CTRC: variants seen among roughly 807,000 people sequenced by gnomAD.
CTRC encodes the protein chymotrypsin C.
In CTRC, 32 loss-of-function variants were observed where a neutral mutation model predicts 35.7. The observed-to-expected ratio is 0.90, with a 90% CI of 0.68 to 1.20. The LOEUF (loss-of-function observed/expected upper bound fraction) is 1.20, where lower values mean the gene tolerates loss of function less well. Ranked by LOEUF, CTRC falls within the 50% of genes most tolerant of loss-of-function variation. The pLI is 0.00. For synonymous variants in CTRC, 119 were observed against 149.5 expected (o/e 0.80, Z 1.49); for missense variants, 324 against 361.5 (o/e 0.90, Z 0.84).
At chr1:15,443,959 T>G (rs1357575555) in intron 5 of CTRC, among the ~76,000 whole-genome samples, 2 of 151,956 alleles carry the variant, frequency 1.3e-5, no homozygotes, top group African/African-American at 4.8e-5. Context: ...ATTTAGAAAA[T>G]CCTGGGGGAG....
At chr1:15,443,948 T>G (rs747674427) in intron 5 of CTRC, among the ~76,000 whole-genome samples, 10 of 152,126 alleles carry the variant, frequency 6.6e-5, no homozygotes, top group Non-Finnish European at 1.5e-4. Context: ...TGCAGATCAC[T>G]ATTTAGAAAA....
intron 1 of CTRC, 118 bp from the exon 2 acceptor site, chr1:15,440,182 C>T (rs1261094383): frequency 3.2e-6 from 3 of 925,346 alleles, no homozygotes; most frequent in Non-Finnish European, 5.2e-6. Context: ...AGTAAAATAT[C>T]AACCCCGTGT....
intron 3 of CTRC, among the ~76,000 whole-genome samples, chr1:15,442,004 C>T (rs1298706519): frequency 1.3e-5 from 2 of 152,100 alleles, no homozygotes; most frequent in African/African-American, 2.4e-5. Context: ...GGCTTCCCAA[C>T]GTGCTGGGAT....
Position 15,442,522 on chromosome 1 carries a change from G to C in CTRC, c.306G>C (p.Val102=). The change falls in exon 4 of 8, where the codon GTG becomes GTC. Residue 102 remains valine (V), a synonymous_variant. Coordinates refer to ENST00000375949, the MANE Select transcript of CTRC (RefSeq NM_007272.3). ...AAGACGAAGAAGGATCCCTGTTTGT[G>C]GGTGTGGACACCATCCACGTCCACA... The part of the protein sequence containing the change: ...EVEDEEGSLF[V]GVDTIHVHKR... 6.2e-7 allele frequency: 1 copy of C among 1,614,086 alleles called. No individual in the cohort carries two copies. Among genetic ancestry groups the C allele is most frequent in the Non-Finnish European group, 8.5e-7 (1 of 1,180,006 alleles).
At chr1:15,439,332 A>G (rs567446914) in intron 1 of CTRC, among the ~76,000 whole-genome samples, 2 of 151,790 alleles carry the variant, frequency 1.3e-5, no homozygotes, top group East Asian at 3.9e-4. Context: ...AGGCTGAGGC[A>G]GGAGAATTGC....
rs1570789135 is a variant in CTRC, at chr1:15,448,339, A to C, written c.*1750A>C. The C allele has an allele frequency of 7.5e-6, 1 of 133,144 alleles. No homozygotes were observed. Among genetic ancestry groups the C allele is most frequent in the Non-Finnish European group, 1.6e-5 (1 of 61,342 alleles). 8.2% of individuals were successfully genotyped at this position (133,144 alleles called of 1,614,324 possible). A position where few individuals can be genotyped will look rare whatever the true frequency, so the allele number is the denominator to read the frequency against. ...AGGCACGCACCACCATGCACAGCTA[A>C]TTTTTTTTTTTTTTTTTTAGACAGA... On this transcript the variant is annotated 3_prime_UTR_variant, in exon 8 of 8. Transcript: ENST00000375949.
chr1:15,440,226 G>GGGGGCCCC, intron 1 of CTRC, 74 bp from the exon 2 acceptor site: 7 of 523,576 alleles, frequency 1.3e-5, no homozygotes, highest in East Asian at 7.5e-5. Flanking sequence ...TCTTCCACCT[G>GGGGGCCCC]CCCACCCTCC....
At chr1:15,440,167 G>C (rs2103289099) in intron 1 of CTRC, 133 bp from the exon 2 acceptor site, 1 of 825,488 alleles carries the variant, frequency 1.2e-6, no homozygotes, top group East Asian at 2.7e-5. Context: ...TTACCCCCGT[G>C]ACACAGTAAA....
At chr1:15,440,227 C>CG in intron 1 of CTRC, 73 bp from the exon 2 acceptor site, 5 of 389,426 alleles carry the variant, frequency 1.3e-5, no homozygotes, top group South Asian at 1.8e-5. Flanking sequence ...CTTCCACCTG[C>CG]CCACCCTCCC....
intron 4 of CTRC, among the ~76,000 whole-genome samples, chr1:15,442,871 G>C (rs982462910): frequency 3.3e-5 from 5 of 152,018 alleles, no homozygotes; most frequent in African/African-American, 1.2e-4. Context: ...TGCCCACATT[G>C]CAATAGACAC....
chr1:15,444,850 A>ACTGAG, intron 6 of CTRC, 99 bp downstream of exon 6: 1 of 1,518,124 alleles, frequency 6.6e-7, no homozygotes, highest in Admixed American at 1.7e-5. Context: ...CTGGGAGGAG[A>ACTGAG]CTGAGCGAGC....
rs116543952 is a variant in CTRC at position 15,441,596 on chromosome 1, T to C, written c.231-851T>C. Among the ~76,000 whole-genome samples, 488 of 152,226 alleles carry C rather than the reference T, an allele frequency of 3.2e-3. 2 individuals are homozygous for C. The highest frequency in any genetic ancestry group is 0.011 in the African/African-American group (472 of 41,546). The stretch of plus-strand genomic sequence containing the variant: ...AGGGTTTCTGAGCAAAGGAGAGTTG[T>C]GGGCTGACATATTTTTATATATTCC... On this transcript the variant is annotated intron_variant, in intron 3 of 7. Coordinates refer to ENST00000375949, the MANE Select transcript of CTRC (RefSeq NM_007272.3).
At chr1:15,440,689 G>C in intron 3 of CTRC, 99 bp downstream of exon 3, 1 of 1,054,656 alleles carries the variant, frequency 9.5e-7, no homozygotes, top group Admixed American at 2.0e-5. Context: ...CAGGCACTGG[G>C]CTACATAATC....
In CTRC at chr1:15,441,491, G is replaced by A. The variant is rs556755436; in HGVS notation, c.230+901G>A. The stretch of plus-strand genomic sequence containing the variant: ...GGGCAGCGTGTGCTAGAGGAGAGTG[G>A]GAGGTGAGCTAGAGAGGAAATAAGT... On this transcript the variant is annotated intron_variant, in intron 3 of 7. Transcript: ENST00000375949. 3.9e-5 allele frequency among the ~76,000 whole-genome samples: 6 copies of A among 152,232 alleles called. No individual in the cohort carries two copies. In the East Asian group the frequency reaches 9.7e-4, roughly 24 times the overall value.
chr1:15,438,528 G>T, intron 1 of CTRC, 24 bp downstream of exon 1: 1 of 1,613,852 alleles, frequency 6.2e-7, no homozygotes, highest in African/African-American at 1.3e-5. Flanking sequence ...TGGGGCTGCA[G>T]CTAGCAGGCT....
At chr1:15,442,768 G>A (rs1708155517) in intron 4 of CTRC, among the ~76,000 whole-genome samples, 196 bp downstream of exon 4, 1 of 151,706 alleles carries the variant, frequency 6.6e-6, no homozygotes, top group African/African-American at 2.4e-5. Flanking sequence ...CCCCTCATTG[G>A]CCAAGACTCC....
intron 3 of CTRC, 126 bp from the exon 4 acceptor site, chr1:15,442,321 G>A (rs1466243842): frequency 5.4e-6 from 7 of 1,288,004 alleles, no homozygotes; most frequent in Non-Finnish European, 7.6e-6. Context: ...CCTCACCCTG[G>A]GAAAGGACAA....
chr1:15,440,452 G>A, intron 2 of CTRC, 41 bp from the exon 3 acceptor site: 1 of 1,612,708 alleles, frequency 6.2e-7, no homozygotes, highest in South Asian at 1.1e-5. Context: ...GGGTCCCAGG[G>A]ACCTGCAGGC....
In CTRC at chr1:15,438,519, G is replaced by T; in HGVS notation, c.40+15G>T. 2 of 1,613,968 alleles carry T rather than the reference G, an allele frequency of 1.2e-6. No homozygotes were observed. Among genetic ancestry groups the T allele is most frequent in the South Asian group, 2.2e-5 (2 of 91,084 alleles). ...CTTGGCCTGTGGTAAGCGGTGGGGT[G>T]GGGCTGCAGCTAGCAGGCTGTGAGC... On this transcript the variant is annotated intron_variant, in intron 1 of 7. Coordinates refer to ENST00000375949, the MANE Select transcript of CTRC (RefSeq NM_007272.3).
Sources: gnomAD v4.1 joint callset for allele counts (sites outside exome capture counted in the v4.1 genomes callset) on GRCh38, gnomAD v4.1.1 for gene constraint, MANE v1.5 for transcripts, NCBI Gene and HGNC (gene_info 2026-07-23, HGNC 2026-07-21) for gene names.